The following LRBA variants were observed in gnomAD, a reference collection of about 807,000 sequenced individuals.
The protein encoded by LRBA is LPS responsive beige-like anchor protein.
LRBA carries 176 observed loss-of-function variants against 330.0 expected under a neutral mutation model. That is an observed-to-expected ratio of 0.53 (90% CI 0.47 to 0.60). The LOEUF is 0.60. LRBA is among the 20% of genes least tolerant of loss of function. LRBA has a pLI of 0.00. For synonymous variants in LRBA, 1,230 were observed against 1,193.0 expected (o/e 1.03, Z -0.64); for missense variants, 3,259 against 3,444.8 (o/e 0.95, Z 1.35).
At chr4:150,725,146 G>A (rs1428196386) in intron 36 of LRBA, among the ~76,000 whole-genome samples, 1 of 151,848 alleles carries the variant, frequency 6.6e-6, no homozygotes, top group African/African-American at 2.4e-5. Context: ...AGAGTTAATA[G>A]CTTTAAAGAA....
At chr4:150,542,483 A>G (rs1266819412) in intron 40 of LRBA, among the ~76,000 whole-genome samples, 2 of 152,218 alleles carry the variant, frequency 1.3e-5, no homozygotes, top group Non-Finnish European at 2.9e-5. Flanking sequence ...TATACCAGAC[A>G]TTGTGCTAAA....
chr4:150,690,933 T>C (rs1784077019), intron 36 of LRBA, among the ~76,000 whole-genome samples: 1 of 147,770 alleles, frequency 6.8e-6, no homozygotes, highest in Non-Finnish European at 1.5e-5. Context: ...TGGTCTTTTT[T>C]TTTTTTTTTT....
intron 11 of LRBA, among the ~76,000 whole-genome samples, chr4:150,908,013 T>G (rs1351467974): frequency 3.9e-5 from 6 of 152,268 alleles, no homozygotes; most frequent in Non-Finnish European, 4.4e-5. Flanking sequence ...AATTTCTTAT[T>G]GCATTCTGAG....
chr4:151,000,048 C>T (rs1743159395), intron 2 of LRBA, among the ~76,000 whole-genome samples: 1 of 152,116 alleles, frequency 6.6e-6, no homozygotes. Flanking sequence ...AGATTAACAA[C>T]AATAACTAGT....
intron 40 of LRBA, among the ~76,000 whole-genome samples, chr4:150,534,093 T>C (rs1764353965): frequency 6.6e-6 from 1 of 152,118 alleles, no homozygotes; most frequent in Non-Finnish European, 1.5e-5. Context: ...ATGATTAAAA[T>C]GCTGCTTTTA....
chr4:150,601,756 A>G (rs1233715944), intron 37 of LRBA, among the ~76,000 whole-genome samples: 1 of 151,332 alleles, frequency 6.6e-6, no homozygotes. Context: ...CAGTGGCACT[A>G]TCTCTGCTCA....
chr4:150,403,026 C>T (rs149946721), intron 47 of LRBA, among the ~76,000 whole-genome samples: 2 of 152,208 alleles, frequency 1.3e-5, no homozygotes, highest in Admixed American at 6.5e-5. Flanking sequence ...CACCAGTTAC[C>T]GGCAAATCAA....
chr4:150,972,578 T>G (rs551862669), intron 2 of LRBA, among the ~76,000 whole-genome samples: 85 of 152,302 alleles, frequency 5.6e-4, no homozygotes, highest in African/African-American at 1.8e-3. Context: ...ATATTACATA[T>G]CAATTTTTAA....
In LRBA at chr4:150,803,565, A is replaced by T. The variant is rs145214680; in HGVS notation, c.5518+2706T>A. 4.3e-3 allele frequency among the ~76,000 whole-genome samples: 652 copies of T among 152,272 alleles called. 4 individuals carry two copies. Among genetic ancestry groups the T allele is most frequent in the African/African-American group, 0.015 (631 of 41,566 alleles). The stretch of plus-strand genomic sequence containing the variant: ...TAGTCACTGGCAAGGACAGAATGAA[A>T]ACCAAAGTCTCCTGCCTTTTATATT... On this transcript the variant is annotated intron_variant, in intron 33 of 56. Coordinates refer to ENST00000651943, the MANE Select transcript of LRBA (RefSeq NM_001364905.1).
At chr4:150,388,584 G>A (rs1459833554) in intron 47 of LRBA, among the ~76,000 whole-genome samples, 1 of 152,182 alleles carries the variant, frequency 6.6e-6, no homozygotes, top group Admixed American at 6.5e-5. Flanking sequence ...ATACAGTGGT[G>A]GGGCAGATAT....
chr4:150,687,278 CA>C (rs1345553231), intron 36 of LRBA, among the ~76,000 whole-genome samples: 1 of 151,970 alleles, frequency 6.6e-6, no homozygotes, highest in African/African-American at 2.4e-5. Context: ...ACTCTAGAAT[CA>C]AATACATATT....
intron 37 of LRBA, among the ~76,000 whole-genome samples, chr4:150,666,304 A>G (rs1193397252): frequency 2.0e-5 from 3 of 152,216 alleles, no homozygotes; most frequent in East Asian, 3.9e-4. Flanking sequence ...AGGCTGAGGC[A>G]GGCGGTTCAC....
At chr4:150,681,647 C>A (rs1358681234) in intron 37 of LRBA, among the ~76,000 whole-genome samples, 1 of 151,958 alleles carries the variant, frequency 6.6e-6, no homozygotes, top group Non-Finnish European at 1.5e-5. Flanking sequence ...TAATCATGTC[C>A]ATTTTGTGAT....
intron 37 of LRBA, among the ~76,000 whole-genome samples, chr4:150,678,333 T>C (rs1031528122): frequency 3.3e-5 from 5 of 151,860 alleles, no homozygotes; most frequent in African/African-American, 9.7e-5. Flanking sequence ...TATAATTATA[T>C]GACACAACTA....
intron 37 of LRBA, among the ~76,000 whole-genome samples, chr4:150,607,214 A>G (rs933779481): frequency 1.3e-5 from 2 of 152,192 alleles, no homozygotes; most frequent in African/African-American, 4.8e-5. Context: ...TAGAGTCTAC[A>G]GAGACAGCAT....
At chr4:150,622,861 C>T (rs1348426470) in intron 37 of LRBA, among the ~76,000 whole-genome samples, 1 of 152,126 alleles carries the variant, frequency 6.6e-6, no homozygotes, top group Non-Finnish European at 1.5e-5. Context: ...CCGCGCCCAG[C>T]TAATTTGTTG....
intron 37 of LRBA, among the ~76,000 whole-genome samples, chr4:150,683,091 CATTTT>C (rs1783192434): frequency 6.6e-6 from 1 of 151,894 alleles, no homozygotes; most frequent in African/African-American, 2.4e-5. Context: ...GAAAAAAAAT[CATTTT>C]ATTGTATTTT....
At chr4:150,941,309 C>T (rs574540098) in intron 2 of LRBA, among the ~76,000 whole-genome samples, 5 of 152,156 alleles carry the variant, frequency 3.3e-5, no homozygotes, top group African/African-American at 7.2e-5. Flanking sequence ...CCCACCAACA[C>T]GCCCAGCTAA....
chr4:150,456,794 C>G (rs1754132131), intron 44 of LRBA, among the ~76,000 whole-genome samples: 1 of 152,022 alleles, frequency 6.6e-6, no homozygotes, highest in Non-Finnish European at 1.5e-5. Flanking sequence ...TCTTGTTTCA[C>G]AGTTTGAGTT....
Sources: gnomAD v4.1 joint callset for allele counts (sites outside exome capture counted in the v4.1 genomes callset) on GRCh38, gnomAD v4.1.1 for gene constraint, MANE v1.5 for transcripts, NCBI Gene and HGNC (gene_info 2026-07-23, HGNC 2026-07-21) for gene names.